Variants in CSMD1 observed in about 807,000 individuals in gnomAD.
CSMD1 encodes the protein CUB and Sushi multiple domains 1, also known as CUB and sushi domain-containing protein 1.
Under a neutral mutation model 417.5 loss-of-function variants are expected in CSMD1, and 213 were observed. The observed-to-expected ratio is 0.51, with a 90% CI of 0.46 to 0.57. The LOEUF is 0.57. Among genes scored for constraint, CSMD1 ranks in the 20% least tolerant of loss-of-function variants. CSMD1 has a pLI of 0.00. For missense variants in CSMD1, 6,923 were observed against 4,529.7 expected, an observed-to-expected ratio of 1.53 and a Z score of -15.17; for synonymous variants, 2,862 against 1,736.8, an observed-to-expected ratio of 1.65 and a Z score of -16.11.
chr8:3,657,181 G>A (rs939544151), intron 7 of CSMD1, among the ~76,000 whole-genome samples: 2 of 152,182 alleles, frequency 1.3e-5, no homozygotes, highest in Admixed American at 6.5e-5. Context: ...CCTACAGGAA[G>A]ATGCTGCAGG....
At chr8:4,852,234 G>C (rs1801522476) in intron 1 of CSMD1, among the ~76,000 whole-genome samples, 1 of 152,162 alleles carries the variant, frequency 6.6e-6, no homozygotes, top group South Asian at 2.1e-4. Context: ...CAAATCTCAG[G>C]TTGAAATGTA....
At chr8:3,042,868 G>C (rs1287407019) in intron 50 of CSMD1, among the ~76,000 whole-genome samples, 1 of 151,868 alleles carries the variant, frequency 6.6e-6, no homozygotes, top group African/African-American at 2.4e-5. Flanking sequence ...TACGTACACA[G>C]AGTACTATAG....
chr8:3,764,461 G>C lies in CSMD1; in HGVS notation c.819-10419C>G, dbSNP rs1277156892. 4.6e-5 allele frequency among the ~76,000 whole-genome samples: 7 copies of C among 152,280 alleles called. No individual in the cohort carries two copies. In the East Asian group the frequency reaches 1.4e-3, roughly 29 times the overall value. ...TACTGGGCCCTGAAGACATGCGTGT[G>C]AGTGAGTAGAGGCACCCACAATCTT... On this transcript the variant is annotated intron_variant, in intron 5 of 69. Coordinates refer to ENST00000635120, the MANE Select transcript of CSMD1 (RefSeq NM_033225.6).
intron 54 of CSMD1, among the ~76,000 whole-genome samples, chr8:2,994,441 T>G (rs1806694758): frequency 6.6e-6 from 1 of 152,170 alleles, no homozygotes; most frequent in African/African-American, 2.4e-5. Flanking sequence ...GCTGATGTCA[T>G]GCGGACAACT....
At chr8:3,640,275 G>C (rs532821866) in intron 7 of CSMD1, among the ~76,000 whole-genome samples, 3 of 152,266 alleles carry the variant, frequency 2.0e-5, no homozygotes, top group South Asian at 2.1e-4. Flanking sequence ...GAGGTAATGA[G>C]CCTGTTTTGG....
rs780721135 is a variant in CSMD1, at chr8:2,962,574, T to C, written c.9520A>G (p.Lys3174Glu). 5.0e-6 allele frequency: 8 copies of C among 1,613,814 alleles called. No individual in the cohort carries two copies. The highest frequency in any genetic ancestry group is 5.9e-6 in the Non-Finnish European group (7 of 1,179,866). Residue 3174 changes from lysine (K) to glutamate (E), a missense_variant, in exon 61 of 70, where the codon AAG becomes GAG. Physicochemically the swap from Lys to Glu is moderately conservative, Grantham distance 56. Transcript: ENST00000635120. ...GRLSGKSFTY[K>E]SEVFFQCKSP... ...TTGCACTGGAAGAAGACTTCGGACTTATAGGTGAAACTTTTCCCACTAAGT... is the reference window on the plus strand; with the variant it reads ...TTGCACTGGAAGAAGACTTCGGACTCATAGGTGAAACTTTTCCCACTAAGT...
chr8:3,398,925 G>A (rs1287156220), intron 16 of CSMD1, among the ~76,000 whole-genome samples: 1 of 152,144 alleles, frequency 6.6e-6, no homozygotes, highest in Admixed American at 6.5e-5. Context: ...GCGATTAGTT[G>A]GTGATTGATC....
chr8:3,520,939 C>T (rs1041143885), intron 10 of CSMD1, among the ~76,000 whole-genome samples: 1 of 152,120 alleles, frequency 6.6e-6, no homozygotes, highest in Admixed American at 6.6e-5. Context: ...ATTGTTGGTT[C>T]CTCCTTTGCT....
At chr8:3,511,720 C>T (rs998095847) in intron 10 of CSMD1, among the ~76,000 whole-genome samples, 1 of 147,958 alleles carries the variant, frequency 6.8e-6, no homozygotes, top group Admixed American at 6.7e-5. Flanking sequence ...ATCACTATTG[C>T]CCTCCAGCAG....
chr8:3,616,024 A>T (rs928784727), intron 8 of CSMD1, among the ~76,000 whole-genome samples: 2 of 152,120 alleles, frequency 1.3e-5, no homozygotes, highest in African/African-American at 4.8e-5. Context: ...TTCTGAATAA[A>T]CTTTACTGAC....
chr8:4,298,669 T>C (rs183130393), intron 3 of CSMD1, among the ~76,000 whole-genome samples: 3 of 152,274 alleles, frequency 2.0e-5, no homozygotes, highest in Admixed American at 1.3e-4. Flanking sequence ...TAAGAAGTTA[T>C]TTCATTTTCA....
intron 12 of CSMD1, among the ~76,000 whole-genome samples, chr8:3,455,447 C>G (rs1246783544): frequency 2.0e-5 from 3 of 152,150 alleles, no homozygotes; most frequent in Admixed American, 1.3e-4. Flanking sequence ...GTGGTTTTAT[C>G]TTCCTTTGGT....
chr8:3,737,047 G>C (rs775602657), intron 6 of CSMD1, among the ~76,000 whole-genome samples: 26 of 152,298 alleles, frequency 1.7e-4, no homozygotes, highest in African/African-American at 6.0e-4. Context: ...CAATTATAAA[G>C]TGCTTTAAGC....
chr8:3,468,943 C>T (rs1319128371), intron 11 of CSMD1, 119 bp from the exon 12 acceptor site: 5 of 614,634 alleles, frequency 8.1e-6, no homozygotes, highest in African/African-American at 5.6e-5. Flanking sequence ...GTAGCAAGAC[C>T]CTCTTTCAAA....
intron 14 of CSMD1, among the ~76,000 whole-genome samples, chr8:3,406,433 A>G (rs896348052): frequency 4.6e-5 from 7 of 152,228 alleles, no homozygotes; most frequent in South Asian, 4.1e-4. Flanking sequence ...ATGAACAAAT[A>G]TAACTATCAT....
intron 5 of CSMD1, among the ~76,000 whole-genome samples, chr8:3,931,329 G>C (rs902190786): frequency 2.7e-5 from 4 of 150,416 alleles, no homozygotes; most frequent in Non-Finnish European, 5.9e-5. Context: ...CTAGAAGTCA[G>C]CAGAAAAGGG....
chr8:4,507,291 C>G (rs1027948719), intron 2 of CSMD1, among the ~76,000 whole-genome samples: 3 of 152,162 alleles, frequency 2.0e-5, no homozygotes, highest in Non-Finnish European at 4.4e-5. Flanking sequence ...TCATTAAATT[C>G]TAGCTCAGCA....
At chr8:4,388,150 C>A (rs1390246279) in intron 3 of CSMD1, among the ~76,000 whole-genome samples, 1 of 152,126 alleles carries the variant, frequency 6.6e-6, no homozygotes, top group Non-Finnish European at 1.5e-5. Flanking sequence ...CTTACTTCTA[C>A]CAACAGTCCC....
intron 54 of CSMD1, among the ~76,000 whole-genome samples, chr8:2,990,064 C>G (rs1221187057): frequency 6.6e-6 from 1 of 152,166 alleles, no homozygotes; most frequent in Non-Finnish European, 1.5e-5. Flanking sequence ...TATGCTGTCC[C>G]CCTGTGTGGA....
Sources: gnomAD v4.1 joint callset for allele counts (sites outside exome capture counted in the v4.1 genomes callset) on GRCh38, gnomAD v4.1.1 for gene constraint, MANE v1.5 for transcripts, NCBI Gene and HGNC (gene_info 2026-07-23, HGNC 2026-07-21) for gene names.